BLOC1S3: variants seen among roughly 807,000 people sequenced by gnomAD.
The protein encoded by BLOC1S3 is biogenesis of lysosome-related organelles complex 1 subunit 3.
In BLOC1S3, 7 loss-of-function variants were observed where a neutral mutation model predicts 9.1. The ratio of observed to expected loss-of-function variants is 0.77; its 90% CI spans 0.44 to 1.45. BLOC1S3 has a LOEUF of 1.45. Among genes scored for constraint, BLOC1S3 ranks in the 40% most tolerant of loss-of-function variants. The pLI is 0.01. For missense variants in BLOC1S3, 307 were observed against 315.2 expected, an observed-to-expected ratio of 0.97 and a Z score of 0.20; for synonymous variants, 145 against 158.4, an observed-to-expected ratio of 0.92 and a Z score of 0.64.
chr19:45,187,729 T>G (rs1412978173), exon 2 of BLOC1S3: 1 of 152,130 alleles, frequency 6.6e-6, no homozygotes, highest in African/African-American at 2.4e-5. Context: ...AAAACTCGCG[T>G]AATATACAAA....
intron 3 of BLOC1S3, among the ~76,000 whole-genome samples, chr19:45,208,282 TA>T (rs1969742577): frequency 6.6e-6 from 1 of 152,040 alleles, no homozygotes; most frequent in Non-Finnish European, 1.5e-5. Flanking sequence ...TCTCTTTTTG[TA>T]ACTTCTTATG....
At chr19:45,181,841 G>C (rs1181076570), downstream of BLOC1S3, 4 of 166,690 alleles carry the variant, frequency 2.4e-5, no homozygotes, top group African/African-American at 9.7e-5. Context: ...TCTAAGCTAA[G>C]GGTGAGTTGG....
chr19:45,178,967 T>G, intron 1 of BLOC1S3, 136 bp downstream of exon 1: 1 of 267,412 alleles, frequency 3.7e-6, no homozygotes. Context: ...GGTCTGAGAT[T>G]GGCATGGTGG....
chr19:45,196,024 G>A (rs1969646088), intron 2 of BLOC1S3, among the ~76,000 whole-genome samples: 1 of 152,160 alleles, frequency 6.6e-6, no homozygotes, highest in African/African-American at 2.4e-5. Context: ...ATCATTCAGG[G>A]TGTTCCCTAT....
upstream of BLOC1S3, chr19:45,187,289 A>C (rs1452218113): frequency 6.6e-6 from 1 of 152,208 alleles, no homozygotes; most frequent in Non-Finnish European, 1.5e-5. Context: ...ATTGGGGGCG[A>C]CCTCGGTTAA....
Position 45,179,423 on chromosome 19 carries a change from C to T in BLOC1S3, c.127C>T (p.Pro43Ser), listed in dbSNP as rs2122880476. The change falls in exon 2 of 2, where the codon CCT (proline) becomes TCT (serine). Residue 43 changes from proline (P) to serine (S), a missense_variant. Pro to Ser is a moderately conservative substitution (Grantham distance 74). Transcript: ENST00000433642. The surrounding 1 kb of genome is among the most constrained non-coding windows in gnomAD (Gnocchi z 4.6). The part of the protein sequence containing the change: ...SSEEEELYLG[P>S]SGPTRGRPTG... ...GGAGGAGGAGGAGCTGTACCTGGGT[C>T]CTTCGGGCCCGACGCGCGGCCGCCC... 1 of 1,540,330 alleles carries T rather than the reference C, an allele frequency of 6.5e-7. No individual in the cohort carries two copies. Among genetic ancestry groups the T allele is most frequent in the South Asian group, 1.2e-5 (1 of 84,518 alleles).
intron 2 of BLOC1S3, among the ~76,000 whole-genome samples, chr19:45,191,893 G>T (rs372757798): frequency 6.6e-6 from 1 of 152,180 alleles, no homozygotes; most frequent in Non-Finnish European, 1.5e-5. Flanking sequence ...CCCAACACGG[G>T]GTCTCCCCCA....
chr19:45,198,860 T>A (rs1969668979), intron 2 of BLOC1S3: 1 of 151,784 alleles, frequency 6.6e-6, no homozygotes, highest in Admixed American at 6.6e-5. Flanking sequence ...CCTGGCCTCA[T>A]GCCTGGCTAA....
chr19:45,198,562 G>T (rs1210218630), intron 2 of BLOC1S3, among the ~76,000 whole-genome samples: 2 of 152,162 alleles, frequency 1.3e-5, no homozygotes, highest in African/African-American at 4.8e-5. Context: ...CCAAAGTGCT[G>T]GGATTACAGG....
chr19:45,216,742 T>C (rs571108645), exon 4 of BLOC1S3: 1 of 152,626 alleles, frequency 6.6e-6, no homozygotes, highest in South Asian at 2.1e-4. Flanking sequence ...AAATCTTGCC[T>C]TTGCGGGGAT....
At chr19:45,209,461 G>A (rs759449634) in intron 3 of BLOC1S3, among the ~76,000 whole-genome samples, 12 of 151,770 alleles carry the variant, frequency 7.9e-5, no homozygotes, top group Admixed American at 3.3e-4. Flanking sequence ...TTGCTCTGTC[G>A]CCCAGGTTGG....
chr19:45,208,689 A>C (rs2122937952), intron 3 of BLOC1S3, among the ~76,000 whole-genome samples: 1 of 151,786 alleles, frequency 6.6e-6, no homozygotes, highest in South Asian at 2.1e-4. Flanking sequence ...CAGGAGGCTG[A>C]GGTTGCAGTG....
intron 3 of BLOC1S3, among the ~76,000 whole-genome samples, chr19:45,204,281 C>T (rs1175833243): frequency 6.7e-6 from 1 of 149,988 alleles, no homozygotes; most frequent in Non-Finnish European, 1.5e-5. Flanking sequence ...CCTCCGCCTC[C>T]TGGGTTCAAG....
intron 1 of BLOC1S3, chr19:45,187,483 G>A (rs745490306): frequency 6.6e-6 from 1 of 152,450 alleles, no homozygotes; most frequent in Non-Finnish European, 1.5e-5. Context: ...CCAAGCTGCA[G>A]GCATCGCACA....
intron 3 of BLOC1S3, among the ~76,000 whole-genome samples, chr19:45,212,470 G>C (rs1256116776): frequency 6.6e-6 from 1 of 152,148 alleles, no homozygotes; most frequent in Admixed American, 6.6e-5. Flanking sequence ...GGGGGAGCTG[G>C]GATATTTCTG....
chr19:45,201,943 G>A (rs1044105354), intron 2 of BLOC1S3, among the ~76,000 whole-genome samples: 3 of 152,060 alleles, frequency 2.0e-5, no homozygotes, highest in African/African-American at 7.2e-5. Context: ...GTGCCTTTTG[G>A]CCAGGCATGG....
At chr19:45,188,818 C>T (rs1969584767) in intron 2 of BLOC1S3, among the ~76,000 whole-genome samples, 1 of 151,706 alleles carries the variant, frequency 6.6e-6, no homozygotes, top group Non-Finnish European at 1.5e-5. Context: ...GTGATCCACC[C>T]ACCTTGGCCT....
intron 2 of BLOC1S3, among the ~76,000 whole-genome samples, chr19:45,195,073 G>C (rs1447603963): frequency 1.3e-5 from 2 of 151,962 alleles, no homozygotes; most frequent in Non-Finnish European, 2.9e-5. Context: ...GGGATTACAG[G>C]CATGCGCCAG....
chr19:45,202,001 A>G (rs567694470), intron 2 of BLOC1S3, among the ~76,000 whole-genome samples: 2 of 151,888 alleles, frequency 1.3e-5, no homozygotes, highest in Non-Finnish European at 2.9e-5. Context: ...AGGCGGGTGG[A>G]TCATGAGGTC....
Sources: gnomAD v4.1 joint callset for allele counts (sites outside exome capture counted in the v4.1 genomes callset) on GRCh38, gnomAD v4.1.1 for gene constraint, Gnocchi (gnomAD v3.1) non-coding constraint, MANE v1.5 for transcripts, NCBI Gene and HGNC (gene_info 2026-07-23, HGNC 2026-07-21) for gene names.